The following LYZL1 variants were observed in gnomAD, a reference collection of about 807,000 sequenced individuals.
LYZL1 encodes the protein lysozyme like 1, also known as lysozyme-like protein 1.
Under a neutral mutation model 17.9 loss-of-function variants are expected in LYZL1, and 16 were observed. The ratio of observed to expected loss-of-function variants is 0.90; its 90% CI spans 0.61 to 1.36. LYZL1 has a LOEUF of 1.36. Among genes scored for constraint, LYZL1 ranks in the 40% most tolerant of loss-of-function variants. LYZL1 has a pLI of 0.00. For missense variants in LYZL1, 149 were observed against 188.4 expected, an observed-to-expected ratio of 0.79 and a Z score of 1.22; for synonymous variants, 58 against 71.8, an observed-to-expected ratio of 0.81 and a Z score of 0.97.
At chr10:29,290,093 T>C (rs1207682192) in intron 1 of LYZL1, among the ~76,000 whole-genome samples, 4 of 152,186 alleles carry the variant, frequency 2.6e-5, no homozygotes, top group African/African-American at 9.7e-5. Context: ...TGACTACTTA[T>C]CCCTGTTTTG....
chr10:29,306,834 GAGAT>G (rs1835602486), intron 3 of LYZL1, among the ~76,000 whole-genome samples: 1 of 124,246 alleles, frequency 8.0e-6, no homozygotes, highest in Admixed American at 8.7e-5. Context: ...GTGTGTGAAA[GAGAT>G]TGAGAGAGAG....
intron 1 of LYZL1, among the ~76,000 whole-genome samples, chr10:29,291,280 A>C (rs1835361524): frequency 6.6e-6 from 1 of 152,234 alleles, no homozygotes; most frequent in South Asian, 2.1e-4. Context: ...GAAAAGAATA[A>C]GGAAGAGAAG....
chr10:29,315,247 C>T (rs1344595486), downstream of LYZL1, among the ~76,000 whole-genome samples: 4 of 152,100 alleles, frequency 2.6e-5, no homozygotes, highest in Non-Finnish European at 5.9e-5. Flanking sequence ...CAGTGGCTCA[C>T]GCCTGTAATC....
At chr10:29,315,464 T>A (rs1042101965), downstream of LYZL1, among the ~76,000 whole-genome samples, 10 of 152,040 alleles carry the variant, frequency 6.6e-5, no homozygotes, top group East Asian at 1.9e-3. Flanking sequence ...GGAGCCGAGA[T>A]TGCATCACTG....
At chr10:29,303,943 A>C (rs1835555575) in intron 3 of LYZL1, among the ~76,000 whole-genome samples, 1 of 152,120 alleles carries the variant, frequency 6.6e-6, no homozygotes. Flanking sequence ...TGTTTTTGGT[A>C]GAGAAGGGGG....
chr10:29,299,181 C>A (rs1280266917), intron 3 of LYZL1, among the ~76,000 whole-genome samples: 1 of 152,148 alleles, frequency 6.6e-6, no homozygotes, highest in South Asian at 2.1e-4. Context: ...GGTAATGCAA[C>A]CAATGGCAAG....
At chr10:29,317,044 A>G (rs1466137813) in intron 3 of LYZL1, among the ~76,000 whole-genome samples, 2 of 152,150 alleles carry the variant, frequency 1.3e-5, no homozygotes, top group African/African-American at 2.4e-5. Flanking sequence ...CAGATTTTTA[A>G]TAAAGTTGGA....
At chr10:29,294,777 C>T (rs530016442) in intron 3 of LYZL1, among the ~76,000 whole-genome samples, 211 of 152,302 alleles carry the variant, frequency 1.4e-3, no homozygotes, top group African/African-American at 4.7e-3. Flanking sequence ...CATCCCAAGA[C>T]CCCCAGCTGA....
chr10:29,311,754 G>GA (rs1835675549), downstream of LYZL1, among the ~76,000 whole-genome samples: 1 of 151,994 alleles, frequency 6.6e-6, no homozygotes, highest in Non-Finnish European at 1.5e-5. Context: ...AAAGTGGGTG[G>GA]ATCACTTGAA....
intron 3 of LYZL1, among the ~76,000 whole-genome samples, chr10:29,297,151 A>G (rs1049045127): frequency 6.6e-6 from 1 of 152,106 alleles, no homozygotes; most frequent in Non-Finnish European, 1.5e-5. Context: ...TTGGAAATTA[A>G]CAATATGATA....
chr10:29,290,409 C>G (rs949979662), intron 1 of LYZL1, among the ~76,000 whole-genome samples: 2 of 152,224 alleles, frequency 1.3e-5, no homozygotes, highest in African/African-American at 4.8e-5. Context: ...TCTGCTCCCC[C>G]AGGTGCTTTC....
intron 3 of LYZL1, among the ~76,000 whole-genome samples, chr10:29,300,972 C>T (rs1033148562): frequency 1.3e-5 from 2 of 152,050 alleles, no homozygotes; most frequent in Non-Finnish European, 2.9e-5. Context: ...CAGGCACATG[C>T]CACAATGCCT....
intron 3 of LYZL1, among the ~76,000 whole-genome samples, chr10:29,308,401 C>T (rs1012268078): frequency 9.2e-5 from 14 of 152,196 alleles, no homozygotes; most frequent in Non-Finnish European, 1.9e-4. Context: ...TGGACATCTC[C>T]GTCTGCCCAT....
chr10:29,304,874 C>A (rs566577874), intron 3 of LYZL1, among the ~76,000 whole-genome samples: 2 of 152,144 alleles, frequency 1.3e-5, no homozygotes, highest in South Asian at 4.2e-4. Flanking sequence ...ATCCCAACTG[C>A]GCAACTAAAT....
chr10:29,295,724 T>C (rs559568622), intron 3 of LYZL1, among the ~76,000 whole-genome samples: 11 of 152,262 alleles, frequency 7.2e-5, no homozygotes, highest in African/African-American at 2.4e-4. Flanking sequence ...TGCCCAGCTG[T>C]GGTCAGAGAG....
intron 3 of LYZL1, among the ~76,000 whole-genome samples, chr10:29,295,603 A>G (rs1835436465): frequency 6.6e-6 from 1 of 152,220 alleles, no homozygotes; most frequent in South Asian, 2.1e-4. Flanking sequence ...TTACAAGGCA[A>G]AAGGAACTTT....
chr10:29,306,314 G>T (rs1727244963), intron 3 of LYZL1, among the ~76,000 whole-genome samples: 1 of 137,550 alleles, frequency 7.3e-6, no homozygotes. Context: ...ACTTTGGGAG[G>T]CCGAGGCGGG....
intron 1 of LYZL1, among the ~76,000 whole-genome samples, 187 bp downstream of exon 1, chr10:29,289,417 C>CTTTTTT (rs11347424): frequency 4.7e-5 from 6 of 128,732 alleles, no homozygotes; most frequent in African/African-American, 9.2e-5. Flanking sequence ...TTTTTCTTTT[C>CTTTTTT]TTTTTTTTTT....
chr10:29,300,847 G>A (rs973904891), intron 3 of LYZL1, among the ~76,000 whole-genome samples: 13 of 152,048 alleles, frequency 8.5e-5, no homozygotes, highest in Non-Finnish European at 1.5e-4. Context: ...TTTGAGACAG[G>A]GTCTTGCTCT....
Sources: gnomAD v4.1 joint callset for allele counts (sites outside exome capture counted in the v4.1 genomes callset) on GRCh38, gnomAD v4.1.1 for gene constraint, MANE v1.5 for transcripts, NCBI Gene and HGNC (gene_info 2026-07-23, HGNC 2026-07-21) for gene names.